Variants in HDAC4 observed in about 807,000 individuals in gnomAD.
The protein encoded by HDAC4 is histone deacetylase A.
Under a neutral mutation model 135.1 loss-of-function variants are expected in HDAC4, and 16 were observed. The ratio of observed to expected loss-of-function variants is 0.12; its 90% CI spans 0.08 to 0.18. The LOEUF (loss-of-function observed/expected upper bound fraction) is 0.18, where lower values mean the gene tolerates loss of function less well. Among genes scored for constraint, HDAC4 ranks in the 10% least tolerant of loss-of-function variants. HDAC4 has a pLI of 1.00. For synonymous variants in HDAC4, 685 were observed against 653.4 expected, an observed-to-expected ratio of 1.05 and a Z score of -0.74; for missense variants, 1,143 against 1,511.8, an observed-to-expected ratio of 0.76 and a Z score of 4.05.
intron 24 of HDAC4, among the ~76,000 whole-genome samples, chr2:239,057,484 A>C (rs898163139): frequency 1.9e-4 from 29 of 152,238 alleles, no homozygotes; most frequent in African/African-American, 7.0e-4. Flanking sequence ...GCAGAACATC[A>C]AAAACAAAAA....
At chr2:239,076,087 C>T (rs1193685470) in intron 22 of HDAC4, among the ~76,000 whole-genome samples, 1 of 151,834 alleles carries the variant, frequency 6.6e-6, no homozygotes, top group African/African-American at 2.4e-5. Context: ...CGGGTGCCAG[C>T]CACTCCCCTC....
intron 16 of HDAC4, among the ~76,000 whole-genome samples, chr2:239,096,961 G>A (rs2037162028): frequency 6.6e-6 from 1 of 152,168 alleles, no homozygotes. Flanking sequence ...GCAGGAGGCA[G>A]GGGGCAGCAG....
In HDAC4 at chr2:239,108,182, G is replaced by T. The variant is rs1327933488; in HGVS notation, c.1980C>A (p.Gly660=). The change falls in exon 15 of 27, where the codon GGC becomes GGA. Residue 660 remains glycine, a splice_region_variant and synonymous_variant. Transcript: ENST00000543185. ...EPPTKPRFTT[G]LVYDTLMLKH... ...TCAGCATCAGCGTGTCATACACGAG[G>T]CCTGGGGCGGGGCAGAGGGGCCAAG... 6.3e-7 allele frequency: 1 copy of T among 1,598,490 alleles called. No homozygotes were observed. Among genetic ancestry groups the T allele is most frequent in the Admixed American group, 1.7e-5 (1 of 58,324 alleles).
In HDAC4 at chr2:239,297,027, T is replaced by TAAA. The variant is rs71043186; in HGVS notation, c.22+55648_22+55650dup. 4.2e-3 allele frequency among the ~76,000 whole-genome samples: 502 copies of TAAA among 118,158 alleles called. 1 individual carries two copies. Among genetic ancestry groups the TAAA allele is most frequent in the Non-Finnish European group, 5.6e-3 (317 of 56,558 alleles). 77.5% of individuals were successfully genotyped at this position (118,158 alleles called of 152,430 possible). A position where few individuals can be genotyped will look rare whatever the true frequency, so the allele number is the denominator to read the frequency against. ...ACTCCCATTTCTGTTTGTTTTCATG[T>TAAA]AAAAAAAAAAAAAAAAAAAAAGGAA... On this transcript the variant is annotated intron_variant, in intron 2 of 26. Transcript: ENST00000543185.
rs1397581102 is a variant in HDAC4 at position 239,141,734 on chromosome 2, G to A, written c.866-1938C>T. On this transcript the variant is annotated intron_variant, in intron 8 of 26. Transcript: ENST00000543185. This position sits in a 1 kb window ranked among gnomAD's most constrained non-coding sequence, Gnocchi z 4.9. Reference sequence around the variant, plus strand: ...CCTGTAATGGGTGCCTCCCAGCTGTGTCGTCAGATAAATACCCTCACGCAT... The same window carrying A: ...CCTGTAATGGGTGCCTCCCAGCTGTATCGTCAGATAAATACCCTCACGCAT... Among the ~76,000 whole-genome samples the A allele has an allele frequency of 6.6e-6, 1 of 152,138 alleles. No homozygotes were observed. Among genetic ancestry groups the A allele is most frequent in the African/African-American group, 2.4e-5 (1 of 41,424 alleles).
intron 19 of HDAC4, among the ~76,000 whole-genome samples, chr2:239,087,037 C>T (rs2036040809): frequency 6.6e-6 from 1 of 152,334 alleles, no homozygotes; most frequent in South Asian, 2.1e-4. Context: ...AGGACCCACA[C>T]CCCACACTCG....
chr2:239,332,264 G>T (rs1691635935), intron 2 of HDAC4, among the ~76,000 whole-genome samples: 1 of 152,158 alleles, frequency 6.6e-6, no homozygotes, highest in African/African-American at 2.4e-5. Flanking sequence ...AAATGGACAT[G>T]TAGAACTGGC....
chr2:239,109,902 A>G (rs2038514509), intron 14 of HDAC4, among the ~76,000 whole-genome samples: 1 of 152,188 alleles, frequency 6.6e-6, no homozygotes, highest in African/African-American at 2.4e-5. Context: ...CGAGGCAGAC[A>G]CCTGCTTTAC....
intron 12 of HDAC4, among the ~76,000 whole-genome samples, chr2:239,125,874 G>C (rs1042536340): frequency 6.6e-6 from 1 of 152,248 alleles, no homozygotes; most frequent in Admixed American, 6.5e-5. Flanking sequence ...AGCTCTGACA[G>C]TGTCCCTTCG....
Position 239,070,469 on chromosome 2 carries a change from C to T in HDAC4, c.2751-1862G>A, listed in dbSNP as rs147334284. On this transcript the variant is annotated intron_variant, in intron 22 of 26. Coordinates refer to ENST00000543185, the MANE Select transcript of HDAC4 (RefSeq NM_001378414.1). Reference sequence around the variant, plus strand: ...TATCAGTGTGTGCTATGAATCCATGCGTATGCTATGAATCCATATGTGTGC... The same window carrying T: ...TATCAGTGTGTGCTATGAATCCATGTGTATGCTATGAATCCATATGTGTGC... 4.8e-4 allele frequency among the ~76,000 whole-genome samples: 73 copies of T among 152,340 alleles called. 1 individual carries two copies. Among genetic ancestry groups the T allele is most frequent in the African/African-American group, 1.7e-3 (70 of 41,580 alleles).
Position 239,160,218 on chromosome 2 carries a change from T to A in HDAC4, c.612-3445A>T, listed in dbSNP as rs1401553994. ...ATTTTAGTATTCGATTAAACCATTATAAAAACCATCCTTTCAACTTATAAT... is the reference window on the plus strand; with the variant it reads ...ATTTTAGTATTCGATTAAACCATTAAAAAAACCATCCTTTCAACTTATAAT... On this transcript the variant is annotated intron_variant, in intron 6 of 26. Coordinates refer to ENST00000543185, the MANE Select transcript of HDAC4 (RefSeq NM_001378414.1). Among the ~76,000 whole-genome samples, 3 of 152,334 alleles carry A rather than the reference T, an allele frequency of 2.0e-5. No homozygotes were observed. The South Asian group carries it at 6.2e-4, about 32-fold the overall frequency.
chr2:239,374,103 C>A (rs1414780050), intron 1 of HDAC4, among the ~76,000 whole-genome samples: 1 of 152,190 alleles, frequency 6.6e-6, no homozygotes, highest in Non-Finnish European at 1.5e-5. Flanking sequence ...GATGCTATGG[C>A]GTCCGCAGAA....
rs1692994275 is a variant in HDAC4 at position 239,349,867 on chromosome 2, A to C, written c.22+2811T>G. Among the ~76,000 whole-genome samples the C allele has an allele frequency of 1.3e-5, 2 of 152,240 alleles. No individual in the cohort carries two copies. Among genetic ancestry groups the C allele is most frequent in the African/African-American group, 4.8e-5 (2 of 41,464 alleles). On this transcript the variant is annotated intron_variant, in intron 2 of 26. Coordinates refer to ENST00000543185, the MANE Select transcript of HDAC4 (RefSeq NM_001378414.1). The surrounding 1 kb of genome is among the most constrained non-coding windows in gnomAD (Gnocchi z 5.7). ...CAGAGAATGGGCTGGGCCAAGGGGCAGCCCTGCCCTCACCAGTGCGGCCTG... is the reference window on the plus strand; with the variant it reads ...CAGAGAATGGGCTGGGCCAAGGGGCCGCCCTGCCCTCACCAGTGCGGCCTG...
At chr2:239,159,465 CCA>C (rs1261596470) in intron 6 of HDAC4, among the ~76,000 whole-genome samples, 5 of 148,662 alleles carry the variant, frequency 3.4e-5, no homozygotes, top group African/African-American at 5.0e-5. Flanking sequence ...TACCTCACAC[CCA>C]CTTACACGCA....
chr2:239,326,986 G>C (rs2053486821), intron 2 of HDAC4, among the ~76,000 whole-genome samples: 1 of 152,226 alleles, frequency 6.6e-6, no homozygotes, highest in African/African-American at 2.4e-5. Flanking sequence ...ATGAGTGCAG[G>C]CATGAGAGGC....
At chr2:239,112,851 G>A (rs1164380428) in intron 13 of HDAC4, among the ~76,000 whole-genome samples, 2 of 152,202 alleles carry the variant, frequency 1.3e-5, no homozygotes, top group South Asian at 4.1e-4. Context: ...CCCAGCTCCT[G>A]TATGAAGGCA....
At chr2:239,159,290 TCA>T (rs541449982) in intron 6 of HDAC4, among the ~76,000 whole-genome samples, 21 of 137,434 alleles carry the variant, frequency 1.5e-4, no homozygotes, top group African/African-American at 5.6e-4. Flanking sequence ...ACACCTCACC[TCA>T]CTACTCACGC....
In HDAC4 at chr2:239,081,130, G is replaced by A. The variant is rs760804741; in HGVS notation, c.2715C>T (p.Pro905=). ...VNMAFTGGLD[P]PMGDAEYLAA... ...CCAAGTACTCAGCGTCTCCCATGGG[G>A]GGGTCCAGGCCGCCGGTGAAAGCCA... Residue 905 remains proline, a synonymous_variant, in exon 22 of 27, where the codon CCC becomes CCT. Transcript: ENST00000543185. The A allele has an allele frequency of 1.2e-5, 19 of 1,613,928 alleles. No individual in the cohort carries two copies. The highest frequency in any genetic ancestry group is 1.5e-5 in the Non-Finnish European group (18 of 1,180,026).
intron 2 of HDAC4, among the ~76,000 whole-genome samples, chr2:239,253,560 C>T (rs776683574): frequency 6.6e-6 from 1 of 152,232 alleles, no homozygotes; most frequent in African/African-American, 2.4e-5. Context: ...ATGTCCACAA[C>T]ACAGAGCTAC....
Sources: allele counts gnomAD v4.1 joint callset (sites outside exome capture counted in the v4.1 genomes callset), GRCh38; gene constraint gnomAD v4.1.1; non-coding constraint Gnocchi (gnomAD v3.1); transcripts MANE v1.5; gene names NCBI Gene and HGNC (gene_info 2026-07-23, HGNC 2026-07-21).